Variants in LGR5 observed in about 807,000 individuals in gnomAD.
LGR5 encodes leucine-rich repeat-containing G protein-coupled receptor 5.
Under a neutral mutation model 76.7 loss-of-function variants are expected in LGR5, and 54 were observed. The ratio of observed to expected loss-of-function variants is 0.70; its 90% CI spans 0.57 to 0.88. LGR5 has a LOEUF of 0.88. Ranked by LOEUF, LGR5 falls within the 40% of genes least tolerant of loss-of-function variation. LGR5 has a pLI of 0.00. For missense variants in LGR5, 1,078 were observed against 1,073.3 expected (o/e 1.00, Z -0.06); for synonymous variants, 406 against 421.9 (o/e 0.96, Z 0.46).
chr12:71,495,044 C>G (rs1292163518), intron 1 of LGR5, among the ~76,000 whole-genome samples: 1 of 150,322 alleles, frequency 6.7e-6, no homozygotes, highest in Non-Finnish European at 1.5e-5. Flanking sequence ...CCTTGATACA[C>G]CCGGTGGCAT....
intron 1 of LGR5, among the ~76,000 whole-genome samples, chr12:71,477,707 C>A (rs35495228): frequency 0.047 from 7,102 of 152,120 alleles, 213 homozygotes; most frequent in Non-Finnish European, 0.07. Context: ...TAATAATGGT[C>A]TCCTTTCATG....
chr12:71,516,891 A>T (rs1875470677), intron 2 of LGR5, among the ~76,000 whole-genome samples: 1 of 152,132 alleles, frequency 6.6e-6, no homozygotes. Context: ...AAAACTTTTT[A>T]AAATATTTTA....
intron 6 of LGR5, among the ~76,000 whole-genome samples, chr12:71,557,082 C>G (rs991548462): frequency 6.6e-6 from 1 of 152,154 alleles, no homozygotes; most frequent in Non-Finnish European, 1.5e-5. Context: ...GATGAACAGG[C>G]ATCTCTTTAG....
intron 11 of LGR5, 46 bp from the exon 12 acceptor site, chr12:71,571,468 A>G: frequency 7.3e-7 from 1 of 1,374,038 alleles, no homozygotes; most frequent in Non-Finnish European, 1.0e-6. Flanking sequence ...TTTCTTTATG[A>G]TTTATTTGTA....
rs533644121 is a variant in LGR5 at position 71,583,649 on chromosome 12, C to T, written c.1639C>T (p.Pro547Ser). Residue 547 changes from proline to serine, a missense_variant and splice_region_variant, in exon 18 of 18, where the codon CCC becomes TCC. Transcript: ENST00000266674. ...HSVQCSPSPG[P>S]FKPCEHLLDG... ...CTTTGCCTTCCTTGGACTTCTAGGC[C>T]CCTTCAAACCCTGTGAACACCTGCT... 6.2e-7 allele frequency: 1 copy of T among 1,606,846 alleles called. No individual in the cohort carries two copies. The highest frequency in any genetic ancestry group is 2.2e-5 in the East Asian group (1 of 44,720).
At chr12:71,459,298 T>A (rs1231250337) in intron 1 of LGR5, among the ~76,000 whole-genome samples, 1 of 152,150 alleles carries the variant, frequency 6.6e-6, no homozygotes, top group African/African-American at 2.4e-5. Context: ...TCAATTCTTC[T>A]GAAATACAAT....
chr12:71,548,324 T>TGTGTGTGTGTGTGTGTGTGTGC (rs1555173645), intron 4 of LGR5, among the ~76,000 whole-genome samples: 1 of 151,790 alleles, frequency 6.6e-6, no homozygotes, highest in South Asian at 2.1e-4. Context: ...TGTGTGTGTG[T>TGTGTGTGTGTGTGTGTGTGTGC]GCGTAGATAC....
At chr12:71,456,574 G>GT (rs1221100804) in intron 1 of LGR5, among the ~76,000 whole-genome samples, 2 of 152,162 alleles carry the variant, frequency 1.3e-5, no homozygotes, top group African/African-American at 4.8e-5. Context: ...GCCCACTGAA[G>GT]TGAAAGAAGG....
At chr12:71,537,818 T>A (rs1876678883) in intron 4 of LGR5, among the ~76,000 whole-genome samples, 1 of 152,100 alleles carries the variant, frequency 6.6e-6, no homozygotes, top group Non-Finnish European at 1.5e-5. Context: ...ATGATGAGAG[T>A]AGGACTCTGC....
At position 71,585,476 on chromosome 12, in the gene LGR5, T is replaced by TATCTG. The variant is rs1222441410; in HGVS notation, c.*745_*749dup. 3 of 152,200 alleles carry TATCTG rather than the reference T, an allele frequency of 2.0e-5. No individual in the cohort carries two copies. Among genetic ancestry groups the TATCTG allele is most frequent in the African/African-American group, 7.2e-5 (3 of 41,454 alleles). 9.4% of individuals were successfully genotyped at this position (152,200 alleles called of 1,614,324 possible). A position where few individuals can be genotyped will look rare whatever the true frequency, so the allele number is the denominator to read the frequency against. On this transcript the variant is annotated 3_prime_UTR_variant, in exon 18 of 18. Transcript: ENST00000266674. ...AATCATGCACAGGTGACGTATGTCT[T>TATCTG]ATCTGATTTGTTTTTAACTCCTTGG...
chr12:71,452,009 G>T (rs1236036307), intron 1 of LGR5, among the ~76,000 whole-genome samples: 1 of 152,126 alleles, frequency 6.6e-6, no homozygotes, highest in Non-Finnish European at 1.5e-5. Context: ...AATTGGGATA[G>T]CCCCTACATC....
At chr12:71,509,270 A>C (rs1440877092) in intron 2 of LGR5, among the ~76,000 whole-genome samples, 2 of 152,188 alleles carry the variant, frequency 1.3e-5, no homozygotes, top group East Asian at 3.8e-4. Context: ...TGATGAAAGA[A>C]CGTTGGTAAA....
At chr12:71,518,278 T>C (rs1159213373) in intron 2 of LGR5, among the ~76,000 whole-genome samples, 1 of 151,868 alleles carries the variant, frequency 6.6e-6, no homozygotes, top group African/African-American at 2.4e-5. Flanking sequence ...ATTAGAGAAA[T>C]GCAAATCAAA....
At chr12:71,569,894 A>G (rs1442709148) in intron 11 of LGR5, among the ~76,000 whole-genome samples, 1 of 152,246 alleles carries the variant, frequency 6.6e-6, no homozygotes, top group East Asian at 1.9e-4. Flanking sequence ...AGTAGCAAAG[A>G]CATGGAATCA....
At chr12:71,476,472 C>G (rs1397280830) in intron 1 of LGR5, among the ~76,000 whole-genome samples, 2 of 152,116 alleles carry the variant, frequency 1.3e-5, no homozygotes, top group African/African-American at 4.8e-5. Context: ...CTGGAGAAGT[C>G]TGGGTCAAGG....
chr12:71,532,811 G>C (rs1214842470), intron 3 of LGR5, among the ~76,000 whole-genome samples: 1 of 134,690 alleles, frequency 7.4e-6, no homozygotes, highest in Non-Finnish European at 1.6e-5. Context: ...TTTTTTTTTT[G>C]AGACAGGGTC....
chr12:71,497,659 A>T (rs2137291757), intron 1 of LGR5, among the ~76,000 whole-genome samples: 1 of 152,328 alleles, frequency 6.6e-6, no homozygotes, highest in African/African-American at 2.4e-5. Flanking sequence ...AAAGTGCTGG[A>T]ATGGCTCCAG....
intron 4 of LGR5, among the ~76,000 whole-genome samples, chr12:71,541,240 C>G (rs575654957): frequency 2.0e-5 from 3 of 152,142 alleles, no homozygotes; most frequent in Non-Finnish European, 4.4e-5. Context: ...AAAATTGGAG[C>G]ATTGTCCACA....
At chr12:71,572,269 A>G (rs1196391030) in intron 12 of LGR5, among the ~76,000 whole-genome samples, 1 of 151,918 alleles carries the variant, frequency 6.6e-6, no homozygotes, top group African/African-American at 2.4e-5. Context: ...TTTTTACTAG[A>G]GACGAGGTTT....
Sources: allele counts gnomAD v4.1 joint callset (sites outside exome capture counted in the v4.1 genomes callset), GRCh38; gene constraint gnomAD v4.1.1; transcripts MANE v1.5; gene names NCBI Gene and HGNC (gene_info 2026-07-23, HGNC 2026-07-21).